The following CHN2 variants were observed in gnomAD, a reference collection of about 807,000 sequenced individuals.
CHN2 encodes the protein chimerin 2, also known as beta-chimaerin.
In CHN2, 35 loss-of-function variants were observed where a neutral mutation model predicts 56.3. The ratio of observed to expected loss-of-function variants is 0.62; its 90% CI spans 0.47 to 0.82. The LOEUF is 0.82. Among genes scored for constraint, CHN2 ranks in the 40% least tolerant of loss-of-function variants. CHN2 has a pLI of 0.00. For missense variants in CHN2, 491 were observed against 580.5 expected, an observed-to-expected ratio of 0.85 and a Z score of 1.58; for synonymous variants, 210 against 212.8, an observed-to-expected ratio of 0.99 and a Z score of 0.12.
rs1378061207 is a variant in CHN2, at chr7:29,160,501, T to A, written c.274+13541T>A. Among the ~76,000 whole-genome samples, 34 of 152,152 alleles carry A rather than the reference T, an allele frequency of 2.2e-4. 1 individual carries two copies. The highest frequency in any genetic ancestry group is 2.9e-5 in the Non-Finnish European group (2 of 68,022). The stretch of plus-strand genomic sequence containing the variant: ...TACCCCTTTTCCCTTTGCCACTGAG[T>A]GGTCTACAAGTGGGTGTGTAATCCA... On this transcript the variant is annotated intron_variant, in intron 2 of 6. Coordinates refer to the CHN2 transcript ENST00000439384.
chr7:29,442,306 A>T (rs998269559), intron 6 of CHN2, among the ~76,000 whole-genome samples: 7 of 152,134 alleles, frequency 4.6e-5, no homozygotes, highest in Non-Finnish European at 8.8e-5. Flanking sequence ...GGTGCATCTC[A>T]GGTTACAGTG....
intron 1 of CHN2, among the ~76,000 whole-genome samples, chr7:29,227,714 A>G (rs761742549): frequency 4.7e-4 from 71 of 152,236 alleles, no homozygotes; most frequent in Middle Eastern, 6.8e-3. Flanking sequence ...TCCTTTTTGG[A>G]ACCTGAATCC....
Position 29,294,399 on chromosome 7 carries a change from C to T in CHN2, c.50-60226C>T, listed in dbSNP as rs534238058. ...TGGGAAAAACAGGGGTGTTTGGGGA[C>T]AAAAACAACAAATATTTGGAAGGTG... is the stretch of plus-strand genomic sequence containing the variant. On this transcript the variant is annotated intron_variant, in intron 1 of 12. Coordinates refer to ENST00000222792, the MANE Select transcript of CHN2 (RefSeq NM_004067.4). Among the ~76,000 whole-genome samples, 8 of 152,170 alleles carry T rather than the reference C, an allele frequency of 5.3e-5. No individual in the cohort carries two copies. In the South Asian group the frequency reaches 1.7e-3, roughly 32 times the overall value.
At chr7:29,311,716 T>C (rs1435852461) in intron 1 of CHN2, among the ~76,000 whole-genome samples, 1 of 152,246 alleles carries the variant, frequency 6.6e-6, no homozygotes, top group Non-Finnish European at 1.5e-5. Flanking sequence ...TAAATTTATC[T>C]GTATTTTTTT....
chr7:29,225,822 AGG>A (rs1328112037), intron 1 of CHN2, among the ~76,000 whole-genome samples: 1 of 152,228 alleles, frequency 6.6e-6, no homozygotes, highest in African/African-American at 2.4e-5. Context: ...TACTATTGAA[AGG>A]GTGTTAGTCA....
intron 1 of CHN2, among the ~76,000 whole-genome samples, chr7:29,275,554 A>T (rs562794421): frequency 6.6e-6 from 1 of 152,362 alleles, no homozygotes; most frequent in Admixed American, 6.5e-5. Flanking sequence ...TATAATCACA[A>T]CTAGTAAGAA....
At chr7:29,206,257 G>A (rs1300286316) in intron 1 of CHN2, among the ~76,000 whole-genome samples, 1 of 152,050 alleles carries the variant, frequency 6.6e-6, no homozygotes, top group Non-Finnish European at 1.5e-5. Context: ...GTTCACATTA[G>A]TCACAGGCCT....
intron 3 of CHN2, among the ~76,000 whole-genome samples, chr7:29,385,840 A>T (rs118123477): frequency 0.023 from 3,574 of 152,292 alleles, 45 homozygotes; most frequent in African/African-American, 0.036. Flanking sequence ...AAACCAAATG[A>T]TTGGGAACTG....
intron 6 of CHN2, among the ~76,000 whole-genome samples, chr7:29,422,214 A>G (rs1350550272): frequency 3.3e-5 from 5 of 152,154 alleles, no homozygotes; most frequent in African/African-American, 7.2e-5. Context: ...TTTTATTATA[A>G]TGGATCTTTT....
chr7:29,212,476 T>C (rs1366335271), intron 1 of CHN2: 186 of 1,590,444 alleles, frequency 1.2e-4, no homozygotes, highest in Non-Finnish European at 1.1e-4. Context: ...CCTCCATGGA[T>C]CTGCTTATTC....
chr7:29,210,763 A>C (rs1298393449), intron 1 of CHN2, among the ~76,000 whole-genome samples: 1 of 152,120 alleles, frequency 6.6e-6, no homozygotes, highest in African/African-American at 2.4e-5. Context: ...AGAAGGCTTT[A>C]CTGAGAAGGT....
intron 6 of CHN2, among the ~76,000 whole-genome samples, chr7:29,447,482 C>T (rs1227983127): frequency 1.3e-5 from 2 of 152,036 alleles, no homozygotes; most frequent in Non-Finnish European, 2.9e-5. Flanking sequence ...TAACTGGAGT[C>T]CCCACACAGA....
At chr7:29,346,100 C>A (rs1262581158) in intron 1 of CHN2, among the ~76,000 whole-genome samples, 1 of 152,130 alleles carries the variant, frequency 6.6e-6, no homozygotes, top group African/African-American at 2.4e-5. Flanking sequence ...CAAGCAAGGT[C>A]TCTAACAGCC....
intron 9 of CHN2, 112 bp from the exon 10 acceptor site, chr7:29,504,628 ACTGT>A (rs1387427255): frequency 3.1e-6 from 2 of 647,488 alleles, no homozygotes; most frequent in Non-Finnish European, 2.7e-6. Context: ...AAATAAAATC[ACTGT>A]CTATGTTTGC....
At chr7:29,313,343 C>T (rs763550196) in intron 1 of CHN2, among the ~76,000 whole-genome samples, 2 of 152,184 alleles carry the variant, frequency 1.3e-5, no homozygotes, top group Non-Finnish European at 2.9e-5. Flanking sequence ...ATAGTCAAGG[C>T]CCTATGAACC....
rs1400897229 is a variant in CHN2, at chr7:29,180,852, A to C, written c.274+33892A>C. On this transcript the variant is annotated intron_variant, in intron 2 of 6. Coordinates refer to the CHN2 transcript ENST00000439384. ...TCATCCGTATACCTCTTGGAGTTCT[A>C]ATTTGTAATATGGAGATAATAAGCA... 1.3e-5 allele frequency among the ~76,000 whole-genome samples: 2 copies of C among 152,200 alleles called. 1 individual carries two copies. Among genetic ancestry groups the C allele is most frequent in the East Asian group, 3.9e-4 (2 of 5,194 alleles).
At chr7:29,412,888 T>C (rs962187261) in intron 6 of CHN2, among the ~76,000 whole-genome samples, 4 of 67,822 alleles carry the variant, frequency 5.9e-5, no homozygotes, top group African/African-American at 2.4e-4. Context: ...CTATAAGAAT[T>C]TGTAGGGGTG....
At chr7:29,400,296 A>T (rs1411808414) in intron 5 of CHN2, 2 of 543,472 alleles carry the variant, frequency 3.7e-6, no homozygotes, top group South Asian at 2.4e-5. Flanking sequence ...GCCTCGTTCC[A>T]GTCATATAAA....
chr7:29,483,695 A>G (rs1194865937), intron 7 of CHN2: 1 of 287,464 alleles, frequency 3.5e-6, no homozygotes, highest in Non-Finnish European at 5.4e-6. Flanking sequence ...TGTAACTGGA[A>G]CAGCTCTCTT....
Sources: allele counts gnomAD v4.1 joint callset (sites outside exome capture counted in the v4.1 genomes callset), GRCh38; gene constraint gnomAD v4.1.1; transcripts MANE v1.5; gene names NCBI Gene and HGNC (gene_info 2026-07-23, HGNC 2026-07-21).